Variants in MGAT4C observed in about 807,000 individuals in gnomAD.
MGAT4C encodes the protein alpha-1,3-mannosyl-glycoprotein 4-beta-N-acetylglucosaminyltransferase C.
Under a neutral mutation model 40.1 loss-of-function variants are expected in MGAT4C, and 19 were observed. That is an observed-to-expected ratio of 0.47 (90% confidence interval 0.33 to 0.70). MGAT4C has a LOEUF of 0.70. Among genes scored for constraint, MGAT4C ranks in the 30% least tolerant of loss-of-function variants. MGAT4C has a pLI of 0.02. For missense variants in MGAT4C, 491 were observed against 563.2 expected (o/e 0.87, Z 1.30); for synonymous variants, 181 against 187.1 (o/e 0.97, Z 0.27).
intron 2 of MGAT4C, among the ~76,000 whole-genome samples, chr12:86,669,044 C>T (rs896032784): frequency 2.0e-5 from 3 of 152,058 alleles, no homozygotes; most frequent in South Asian, 4.1e-4. Flanking sequence ...CTTGCTTGCC[C>T]GGACCAACAA....
intron 2 of MGAT4C, among the ~76,000 whole-genome samples, chr12:86,046,094 GAA>G (rs939383783): frequency 1.2e-4 from 19 of 152,250 alleles, no homozygotes; most frequent in African/African-American, 4.6e-4. Flanking sequence ...TAAATCATTT[GAA>G]GATGAGGAAA....
intron 1 of MGAT4C, among the ~76,000 whole-genome samples, chr12:86,230,872 T>TTA (rs1441966985): frequency 6.6e-6 from 1 of 151,254 alleles, no homozygotes; most frequent in Non-Finnish European, 1.5e-5. Context: ...ACACTCCCTT[T>TTA]TTTTTTTTTT....
intron 2 of MGAT4C, among the ~76,000 whole-genome samples, chr12:86,724,093 T>TA (rs1232647898): frequency 3.3e-5 from 5 of 152,094 alleles, no homozygotes; most frequent in Non-Finnish European, 5.9e-5. Flanking sequence ...CAAACCTGTA[T>TA]AAAAAAACAT....
intron 1 of MGAT4C, among the ~76,000 whole-genome samples, chr12:86,789,410 T>C (rs930228218): frequency 1.3e-5 from 2 of 151,954 alleles, no homozygotes; most frequent in Non-Finnish European, 2.9e-5. Flanking sequence ...TGGAAGAGGG[T>C]TGTCTTAAAG....
intron 3 of MGAT4C, among the ~76,000 whole-genome samples, chr12:86,405,924 TA>T (rs1565737844): frequency 1.1e-4 from 3 of 28,516 alleles, no homozygotes; most frequent in African/African-American, 5.8e-4. Context: ...TATGTATTTA[TA>T]TTATACATAC....
intron 2 of MGAT4C, among the ~76,000 whole-genome samples, chr12:86,455,727 G>A (rs932321701): frequency 1.3e-5 from 2 of 152,014 alleles, no homozygotes; most frequent in African/African-American, 4.8e-5. Flanking sequence ...TAATTTTGTA[G>A]GCAAAAATGT....
chr12:86,696,556 T>G (rs1194087411), intron 2 of MGAT4C, among the ~76,000 whole-genome samples: 1 of 152,232 alleles, frequency 6.6e-6, no homozygotes, highest in African/African-American at 2.4e-5. Flanking sequence ...ATGCAAAATA[T>G]TCATTGAACG....
At chr12:86,658,458 G>C (rs1178136883) in intron 2 of MGAT4C, among the ~76,000 whole-genome samples, 3 of 151,942 alleles carry the variant, frequency 2.0e-5, no homozygotes, top group Non-Finnish European at 2.9e-5. Flanking sequence ...TCATTACTAG[G>C]AAATATGCCT....
At chr12:86,630,479 T>C (rs183892750) in intron 2 of MGAT4C, among the ~76,000 whole-genome samples, 1 of 152,176 alleles carries the variant, frequency 6.6e-6, no homozygotes, top group Non-Finnish European at 1.5e-5. Context: ...ATATTCCTGA[T>C]GAACATCGAT....
chr12:86,649,748 C>G (rs963947770), intron 2 of MGAT4C, among the ~76,000 whole-genome samples: 6 of 151,704 alleles, frequency 4.0e-5, no homozygotes, highest in Non-Finnish European at 8.8e-5. Flanking sequence ...TCTTTTAAAA[C>G]TTTGAACCCA....
At chr12:86,473,013 T>G (rs185678309) in intron 2 of MGAT4C, among the ~76,000 whole-genome samples, 14 of 152,228 alleles carry the variant, frequency 9.2e-5, no homozygotes, top group African/African-American at 3.4e-4. Flanking sequence ...TGGAGTGCAA[T>G]GGTGCAATCT....
chr12:86,282,831 CA>C (rs1953253911), intron 4 of MGAT4C, among the ~76,000 whole-genome samples: 1 of 152,058 alleles, frequency 6.6e-6, no homozygotes, highest in Non-Finnish European at 1.5e-5. Context: ...AGCCCAACTA[CA>C]AAAGCTTTTC....
At chr12:86,708,755 A>C (rs1187908012) in intron 2 of MGAT4C, among the ~76,000 whole-genome samples, 1 of 152,112 alleles carries the variant, frequency 6.6e-6, no homozygotes, top group African/African-American at 2.4e-5. Context: ...TGATAGCCCC[A>C]CCAGATTTTG....
chr12:86,431,177 C>G (rs1957030770), intron 3 of MGAT4C, among the ~76,000 whole-genome samples: 1 of 152,156 alleles, frequency 6.6e-6, no homozygotes, highest in African/African-American at 2.4e-5. Flanking sequence ...TAGCTCTGTA[C>G]TGCAGGTTGG....
At chr12:85,989,579 A>T (rs779483554) in intron 2 of MGAT4C, 27 bp from the exon 3 acceptor site, 1 of 1,554,262 alleles carries the variant, frequency 6.4e-7, no homozygotes, top group East Asian at 2.3e-5. Context: ...CAGAATTACT[A>T]GCAGTTGGTT....
At chr12:86,332,810 CTTAA>C (rs1954702254) in intron 4 of MGAT4C, among the ~76,000 whole-genome samples, 1 of 152,070 alleles carries the variant, frequency 6.6e-6, no homozygotes, top group African/African-American at 2.4e-5. Context: ...TCTATAACTA[CTTAA>C]TTATCAGAAT....
intron 1 of MGAT4C, among the ~76,000 whole-genome samples, chr12:86,250,062 G>A (rs1952203686): frequency 6.6e-6 from 1 of 152,208 alleles, no homozygotes; most frequent in African/African-American, 2.4e-5. Flanking sequence ...TAGTTGAGTG[G>A]CTGAGCTTTA....
chr12:86,638,238 G>GA (rs1044216054), intron 2 of MGAT4C, among the ~76,000 whole-genome samples: 2 of 151,810 alleles, frequency 1.3e-5, no homozygotes, highest in African/African-American at 2.4e-5. Context: ...ATATCTTCCT[G>GA]AAAATACCAG....
intron 1 of MGAT4C, among the ~76,000 whole-genome samples, chr12:86,135,150 G>T (rs1237538306): frequency 2.0e-5 from 3 of 152,026 alleles, no homozygotes; most frequent in Non-Finnish European, 4.4e-5. Flanking sequence ...CATAAATAGA[G>T]CATCTGGATT....
Sources: allele counts gnomAD v4.1 joint callset (sites outside exome capture counted in the v4.1 genomes callset), GRCh38; gene constraint gnomAD v4.1.1; transcripts MANE v1.5; gene names NCBI Gene and HGNC (gene_info 2026-07-23, HGNC 2026-07-21).